The following MAP4 variants were observed in gnomAD, a reference collection of about 807,000 sequenced individuals.
MAP4 encodes microtubule-associated protein 4.
MAP4 carries 76 observed loss-of-function variants against 170.2 expected under a neutral mutation model. The observed-to-expected ratio is 0.45, with a 90% CI of 0.37 to 0.54. MAP4 has a LOEUF of 0.54. Ranked by LOEUF, MAP4 falls within the 20% of genes least tolerant of loss-of-function variation. MAP4 has a pLI of 0.00. For synonymous variants in MAP4, 909 were observed against 994.5 expected, an observed-to-expected ratio of 0.91 and a Z score of 1.62; for missense variants, 2,506 against 2,748.0, an observed-to-expected ratio of 0.91 and a Z score of 1.97.
Position 47,852,931 on chromosome 3 carries a change from G to A in MAP4, c.*3C>T, listed in dbSNP as rs773880969. The A allele has an allele frequency of 9.4e-5, 151 of 1,612,866 alleles. No homozygotes were observed. The highest frequency in any genetic ancestry group is 1.2e-4 in the Non-Finnish European group (145 of 1,179,296). ...ATTTGCCCGGAACGTCAGCCTGTAGGTCTCAATCTGCAGTGACATGGGAGG... is the reference window on the plus strand; with the variant it reads ...ATTTGCCCGGAACGTCAGCCTGTAGATCTCAATCTGCAGTGACATGGGAGG... On this transcript the variant is annotated 3_prime_UTR_variant, in exon 21 of 21. Coordinates refer to ENST00000683076, the MANE Select transcript of MAP4 (RefSeq NM_001385682.1).
At position 47,911,942 on chromosome 3, in the gene MAP4, A is replaced by G. The variant is rs1362946635; in HGVS notation, c.2479T>C (p.Ser827Pro). ...CATTCCCTTTTCAAGTTTTCTCCAG[A>G]TACAAGTCCATATTCTGTACCCATA... Reference protein sequence around the residue: ...TTMGTEYGLVSGENLKRECLV... With the variant: ...TTMGTEYGLVPGENLKRECLV... Residue 827 changes from serine (S) to proline (P), a missense_variant, in exon 9 of 21, where the codon TCT becomes CCT. Physicochemically the swap from Ser to Pro is moderately conservative, Grantham distance 74. Coordinates refer to ENST00000683076, the MANE Select transcript of MAP4 (RefSeq NM_001385682.1). The surrounding 1 kb of genome is among the most constrained non-coding windows in gnomAD (Gnocchi z 4.0). The G allele has an allele frequency of 6.5e-7, 1 of 1,535,974 alleles. No homozygotes were observed. The highest frequency in any genetic ancestry group is 8.7e-7 in the Non-Finnish European group (1 of 1,146,904).
At position 47,916,315 on chromosome 3, in the gene MAP4, C is replaced by T. The variant is rs1156600961; in HGVS notation, c.1512G>A (p.Lys504=). The T allele has an allele frequency of 1.2e-6, 2 of 1,614,112 alleles. No homozygotes were observed. The highest frequency in any genetic ancestry group is 8.5e-7 in the Non-Finnish European group (1 of 1,180,056). Residue 504 remains lysine, a synonymous_variant, in exon 7 of 21, where the codon AAG becomes AAA. Transcript: ENST00000683076. The stretch of plus-strand genomic sequence containing the variant: ...CTGTTTCTGATAGTGGAGACATGTC[C>T]TTCAACAAGCCCACTTCTTTTACTG... ...PSTVKEVGLL[K]DMSPLSETEM...
At chr3:47,901,356 ATAAAC>A (rs1377289757) in intron 10 of MAP4, among the ~76,000 whole-genome samples, 1 of 152,202 alleles carries the variant, frequency 6.6e-6, no homozygotes, top group Non-Finnish European at 1.5e-5. Flanking sequence ...GAATGAATGA[ATAAAC>A]TAAATACTAA....
Position 47,977,851 on chromosome 3 carries a change from TG to T in MAP4, c.292+13del. 6.3e-7 allele frequency: 1 copy of T among 1,596,426 alleles called. No homozygotes were observed. Among genetic ancestry groups the T allele is most frequent in the Non-Finnish European group, 8.6e-7 (1 of 1,164,612 alleles). ...CATCACCTACACATTTGGGGAATCC[TG>T]GGAATCACTTACCTGTAGTATCGCT... On this transcript the variant is annotated intron_variant, in intron 3 of 20. Transcript: ENST00000683076.
At chr3:47,941,515 C>T (rs1004666911) in intron 3 of MAP4, among the ~76,000 whole-genome samples, 1 of 151,586 alleles carries the variant, frequency 6.6e-6, no homozygotes, top group African/African-American at 2.4e-5. Flanking sequence ...CGGTGGCTCA[C>T]GCCTGTAATC....
chr3:47,963,923 T>C (rs901149287), intron 3 of MAP4, among the ~76,000 whole-genome samples: 1 of 152,162 alleles, frequency 6.6e-6, no homozygotes, highest in African/African-American at 2.4e-5. Flanking sequence ...ATTGAGAAAG[T>C]GAAGAGTCAA....
intron 1 of MAP4, among the ~76,000 whole-genome samples, chr3:48,056,605 G>A (rs1179888080): frequency 7.9e-6 from 1 of 125,814 alleles, no homozygotes; most frequent in African/African-American, 3.9e-5. Context: ...CGCCCCATCC[G>A]GGAGGGAGGT....
intron 16 of MAP4, among the ~76,000 whole-genome samples, chr3:47,867,631 C>A (rs1559822356): frequency 6.6e-6 from 1 of 152,212 alleles, no homozygotes; most frequent in Non-Finnish European, 1.5e-5. Context: ...GTTCACAAGG[C>A]CCAGGCAGCA....
chr3:47,916,678 T>C lies in MAP4; in HGVS notation c.1149A>G (p.Ala383=). 3 of 1,614,154 alleles carry C rather than the reference T, an allele frequency of 1.9e-6. No individual in the cohort carries two copies. The highest frequency in any genetic ancestry group is 2.5e-6 in the Non-Finnish European group (3 of 1,180,010). Residue 383 remains alanine, a synonymous_variant, in exon 7 of 21, where the codon GCA becomes GCG. Coordinates refer to ENST00000683076, the MANE Select transcript of MAP4 (RefSeq NM_001385682.1). ...PKENKKETER[A]SPIKMDLAPS... Reference sequence around the variant, plus strand: ...GAGCCAAGTCCATTTTTATAGGAGATGCCCTCTCTGTTTCTTTCTTGTTTT... The same window carrying C: ...GAGCCAAGTCCATTTTTATAGGAGACGCCCTCTCTGTTTCTTTCTTGTTTT...
chr3:47,970,303 T>C (rs1350506706), intron 3 of MAP4, among the ~76,000 whole-genome samples: 2 of 151,382 alleles, frequency 1.3e-5, no homozygotes, highest in African/African-American at 4.9e-5. Flanking sequence ...CTGACCAACA[T>C]GGAGAAACCC....
At chr3:48,055,246 G>A (rs567015111) in intron 1 of MAP4, among the ~76,000 whole-genome samples, 3 of 150,620 alleles carry the variant, frequency 2.0e-5, no homozygotes, top group South Asian at 4.2e-4. Flanking sequence ...GTCTCCCCAT[G>A]GTCTCCCTCT....
At chr3:48,027,816 G>A (rs1450036850) in intron 1 of MAP4, among the ~76,000 whole-genome samples, 1 of 152,164 alleles carries the variant, frequency 6.6e-6, no homozygotes, top group African/African-American at 2.4e-5. Context: ...TCAGCCTTGG[G>A]TGATAGTGTA....
At chr3:47,954,612 C>G (rs1247470368) in intron 3 of MAP4, among the ~76,000 whole-genome samples, 1 of 152,238 alleles carries the variant, frequency 6.6e-6, no homozygotes, top group Non-Finnish European at 1.5e-5. Context: ...TGTAAATCCT[C>G]ATCCAAGCTT....
intron 1 of MAP4, among the ~76,000 whole-genome samples, chr3:48,034,748 C>T (rs373090041): frequency 4.7e-4 from 71 of 152,090 alleles, no homozygotes; most frequent in African/African-American, 1.7e-3. Context: ...TGCAGTGGCT[C>T]ACACCTGTAA....
intron 1 of MAP4, among the ~76,000 whole-genome samples, chr3:48,052,531 A>G (rs546194794): frequency 6.6e-6 from 1 of 152,198 alleles, no homozygotes; most frequent in Non-Finnish European, 1.5e-5. Context: ...CTGAGTAATG[A>G]AAATGTTCTA....
chr3:47,873,470 G>A (rs144899703), intron 12 of MAP4, among the ~76,000 whole-genome samples: 32 of 152,304 alleles, frequency 2.1e-4, no homozygotes, highest in African/African-American at 6.5e-4. Flanking sequence ...TGTAGGTAGC[G>A]ACAAGCAGGA....
chr3:48,067,082 C>T (rs1231014687), intron 1 of MAP4, among the ~76,000 whole-genome samples: 3 of 151,816 alleles, frequency 2.0e-5, no homozygotes, highest in South Asian at 2.1e-4. Flanking sequence ...CCTGGTAATC[C>T]GCCCACCTTA....
intron 1 of MAP4, among the ~76,000 whole-genome samples, chr3:48,082,754 T>C (rs531263528): frequency 2.1e-5 from 3 of 142,488 alleles, no homozygotes; most frequent in African/African-American, 8.0e-5. Context: ...GCCAAGATCA[T>C]GCTACTGCAC....
At chr3:47,927,052 G>C (rs1577742303) in intron 4 of MAP4, among the ~76,000 whole-genome samples, 1 of 151,638 alleles carries the variant, frequency 6.6e-6, no homozygotes, top group East Asian at 1.9e-4. Context: ...CCAGCTATAT[G>C]GGAGGCTGAG....
Sources: gnomAD v4.1 joint callset for allele counts (sites outside exome capture counted in the v4.1 genomes callset) on GRCh38, gnomAD v4.1.1 for gene constraint, Gnocchi (gnomAD v3.1) non-coding constraint, MANE v1.5 for transcripts, NCBI Gene and HGNC (gene_info 2026-07-23, HGNC 2026-07-21) for gene names.